TTI1: variants seen among roughly 807,000 people sequenced by gnomAD.
TTI1 encodes TELO2-interacting protein 1 homolog.
Under a neutral mutation model 85.4 loss-of-function variants are expected in TTI1, and 52 were observed. The ratio of observed to expected loss-of-function variants is 0.61; its 90% CI spans 0.49 to 0.77. The LOEUF is 0.77. Ranked by LOEUF, TTI1 falls within the 30% of genes least tolerant of loss-of-function variation. The probability of loss-of-function intolerance (pLI) is 0.00; values close to 1 mark genes in which losing one functional copy is unlikely to be tolerated. For synonymous variants in TTI1, 512 were observed against 503.9 expected (o/e 1.02, Z -0.22); for missense variants, 1,173 against 1,296.0 (o/e 0.91, Z 1.46).
chr20:38,013,089 ACT>A lies in TTI1; in HGVS notation c.726_727del (p.Val243GlufsTer6). 6.2e-7 allele frequency: 1 copy of A among 1,614,212 alleles called. No individual in the cohort carries two copies. Among genetic ancestry groups the A allele is most frequent in the Non-Finnish European group, 8.5e-7 (1 of 1,180,038 alleles). On this transcript the variant is annotated frameshift_variant, in exon 2 of 8. Coordinates refer to ENST00000373447, the MANE Select transcript of TTI1 (RefSeq NM_001303457.2). LOFTEE classifies it high-confidence loss of function. ...CTGTTCATCAGCCATAATGAAGCTC[ACT>A]GTCTTGTAAAAGATCTTTAGGGAAG... is the stretch of plus-strand genomic sequence containing the variant.
Position 38,008,897 on chromosome 20 carries a change from C to T in TTI1, c.2303-2500G>A, listed in dbSNP as rs143667745. ...TTCATAAAAGCTAGCTCTAAGTTTGCTTCTGTTCCAAGGAAGCCCCAGAGT... is the reference window on the plus strand; with the variant it reads ...TTCATAAAAGCTAGCTCTAAGTTTGTTTCTGTTCCAAGGAAGCCCCAGAGT... On this transcript the variant is annotated intron_variant, in intron 2 of 7. Coordinates refer to ENST00000373447, the MANE Select transcript of TTI1 (RefSeq NM_001303457.2). 3.7e-3 allele frequency among the ~76,000 whole-genome samples: 566 copies of T among 152,218 alleles called. 2 individuals are homozygous for T. The highest frequency in any genetic ancestry group is 0.013 in the African/African-American group (537 of 41,548).
intron 5 of TTI1, 54 bp from the exon 6 acceptor site, chr20:37,997,007 G>A: frequency 6.4e-7 from 1 of 1,565,874 alleles, no homozygotes; most frequent in Non-Finnish European, 8.7e-7. Flanking sequence ...CAGCAAGAGA[G>A]CTAAAGAATG....
intron 1 of TTI1, among the ~76,000 whole-genome samples, chr20:38,014,853 A>C (rs1016069231): frequency 6.6e-6 from 1 of 152,208 alleles, no homozygotes; most frequent in Admixed American, 6.5e-5. Flanking sequence ...GAGAGAAATA[A>C]AAGTCTCAAA....
intron 1 of TTI1, among the ~76,000 whole-genome samples, chr20:38,019,578 G>C (rs539589372): frequency 1.3e-5 from 2 of 152,012 alleles, no homozygotes; most frequent in South Asian, 2.1e-4. Context: ...TTACAGGGCA[G>C]TAAAAAATGG....
rs138274737 is a variant in TTI1 at position 37,992,258 on chromosome 20, T to C, written c.3086+4117A>G. Among the ~76,000 whole-genome samples, 1,218 of 152,150 alleles carry C rather than the reference T, an allele frequency of 8.0e-3. 6 individuals carry two copies. The highest frequency in any genetic ancestry group is 0.023 in the African/African-American group (950 of 41,508). On this transcript the variant is annotated intron_variant, in intron 7 of 7. Transcript: ENST00000373447. ...AGCTTTATTTTTCTATTATGAGACTTGTTGGGCACTGACTTCATCTTCTTC... is the reference window on the plus strand; with the variant it reads ...AGCTTTATTTTTCTATTATGAGACTCGTTGGGCACTGACTTCATCTTCTTC...
In TTI1 at chr20:38,013,812, G is replaced by C. The variant is rs932348532; in HGVS notation, c.5C>G (p.Ala2Gly). ...GGCCTCCTCAGGAGTATCAAAAACT[G>C]CCATTGTGCAGCAGCCTTCCCCTCA... M[A>G]VFDTPEEAFG... Residue 2 changes from alanine (A) to glycine (G), a missense_variant, in exon 2 of 8, where the codon GCA becomes GGA. Ala to Gly is a moderately conservative substitution (Grantham distance 60). Coordinates refer to ENST00000373447, the MANE Select transcript of TTI1 (RefSeq NM_001303457.2). 1.9e-6 allele frequency: 3 copies of C among 1,609,660 alleles called. No homozygotes were observed. The African/African-American group carries it at 4.0e-5, about 22-fold the overall frequency.
intron 2 of TTI1, among the ~76,000 whole-genome samples, chr20:38,008,238 A>T (rs2073530828): frequency 6.6e-6 from 1 of 152,190 alleles, no homozygotes; most frequent in Non-Finnish European, 1.5e-5. Context: ...TCAAAAATTT[A>T]AACGTAATAC....
chr20:38,011,880 C>A lies in TTI1; in HGVS notation c.1937G>T (p.Cys646Phe). The change falls in exon 2 of 8, where the codon TGT becomes TTT. Residue 646 changes from cysteine to phenylalanine, a missense_variant. Transcript: ENST00000373447. ...ATAAAGGGCTGACATCAAGAGCAAA[C>A]AGAAGTCTTTTCCTAGTGCATATGC... is the stretch of plus-strand genomic sequence containing the variant. ...QFAYALGKDFCLLLMSALYPV... is the reference protein window; with the variant it reads ...QFAYALGKDFFLLLMSALYPV... 1 of 1,614,204 alleles carries A rather than the reference C, an allele frequency of 6.2e-7. No homozygotes were observed. Among genetic ancestry groups the A allele is most frequent in the Non-Finnish European group, 8.5e-7 (1 of 1,180,036 alleles).
At chr20:38,015,453 C>A (rs1334470145) in intron 1 of TTI1, among the ~76,000 whole-genome samples, 1 of 152,130 alleles carries the variant, frequency 6.6e-6, no homozygotes, top group East Asian at 1.9e-4. Context: ...CTGGCTCATA[C>A]ACTGATGAAC....
intron 1 of TTI1, among the ~76,000 whole-genome samples, chr20:38,016,757 G>C (rs945896013): frequency 2.0e-5 from 3 of 152,028 alleles, no homozygotes; most frequent in Non-Finnish European, 4.4e-5. Flanking sequence ...TGCCCTCCTC[G>C]AATTCACATT....
In TTI1 at chr20:37,989,211, C is replaced by T. The variant is rs75713080; in HGVS notation, c.3087-5572G>A. ...CCAATTACCTTTGCAGCTATACATG[C>T]TCGTTTGACTTAACTATGTTTACCT... On this transcript the variant is annotated intron_variant, in intron 7 of 7. Coordinates refer to ENST00000373447, the MANE Select transcript of TTI1 (RefSeq NM_001303457.2). Among the ~76,000 whole-genome samples the T allele has an allele frequency of 1.2e-3, 186 of 152,332 alleles. 4 individuals carry two copies. The East Asian group carries it at 0.032, about 26-fold the overall frequency.
intron 7 of TTI1, chr20:37,987,131 C>G (rs2073201653): frequency 2.2e-6 from 1 of 456,498 alleles, no homozygotes; most frequent in Non-Finnish European, 4.4e-6. Flanking sequence ...CTTTAAGCCC[C>G]TGGGAGCTGA....
In TTI1 at chr20:38,012,578, T is replaced by C. The variant is rs776574845; in HGVS notation, c.1239A>G (p.Pro413=). 2 of 1,614,164 alleles carry C rather than the reference T, an allele frequency of 1.2e-6. No individual in the cohort carries two copies. The highest frequency in any genetic ancestry group is 2.2e-5 in the South Asian group (2 of 91,084). Residue 413 remains proline (P), a synonymous_variant, in exon 2 of 8, where the codon CCA becomes CCG. Coordinates refer to ENST00000373447, the MANE Select transcript of TTI1 (RefSeq NM_001303457.2). The stretch of plus-strand genomic sequence containing the variant: ...CAGAGTTGAGGACAAAGTTTATTTT[T>C]GGGCCCAAGAGTTTCAGATAACCAA... The part of the protein sequence containing the change: ...LLLGYLKLLG[P]KINFVLNSVA...
In TTI1 at chr20:37,997,892, G is replaced by A. The variant is rs148642651; in HGVS notation, c.2794-939C>T. Among the ~76,000 whole-genome samples, 266 of 152,150 alleles carry A rather than the reference G, an allele frequency of 1.7e-3. 1 individual carries two copies. The highest frequency in any genetic ancestry group is 6.2e-3 in the African/African-American group (257 of 41,524). On this transcript the variant is annotated intron_variant, in intron 5 of 7. Coordinates refer to ENST00000373447, the MANE Select transcript of TTI1 (RefSeq NM_001303457.2). ...CCAAACCCCGCCCTGCAGTACATCT[G>A]GATAAGATTTAGCAATACCACCTCC...
At chr20:38,016,168 T>A (rs1474120395) in intron 1 of TTI1, among the ~76,000 whole-genome samples, 1 of 152,242 alleles carries the variant, frequency 6.6e-6, no homozygotes, top group Non-Finnish European at 1.5e-5. Flanking sequence ...ACTGAAGATG[T>A]TCTTCTGTCA....
At chr20:38,014,376 C>T (rs2073650782) in intron 1 of TTI1, among the ~76,000 whole-genome samples, 1 of 152,182 alleles carries the variant, frequency 6.6e-6, no homozygotes, top group Non-Finnish European at 1.5e-5. Flanking sequence ...CTAGAAGGCT[C>T]CCTCATGTCC....
intron 5 of TTI1, among the ~76,000 whole-genome samples, chr20:37,997,683 C>T (rs573585985): frequency 2.6e-5 from 4 of 152,316 alleles, no homozygotes; most frequent in African/African-American, 9.6e-5. Context: ...ACAGTGTTTG[C>T]TCATTTTGCA....
At chr20:37,983,893 GAAC>G (rs1354066637) in intron 7 of TTI1, among the ~76,000 whole-genome samples, 1 of 152,194 alleles carries the variant, frequency 6.6e-6, no homozygotes, top group Admixed American at 6.5e-5. Context: ...AGTCTGAGCA[GAAC>G]AATATTGACA....
chr20:38,024,577 T>C (rs1040115840), intron 1 of TTI1, among the ~76,000 whole-genome samples: 3 of 152,128 alleles, frequency 2.0e-5, no homozygotes, highest in African/African-American at 7.2e-5. Flanking sequence ...CTGCTCTCTC[T>C]AGCCAAAGGA....
Sources: allele counts gnomAD v4.1 joint callset (sites outside exome capture counted in the v4.1 genomes callset), GRCh38; gene constraint gnomAD v4.1.1; transcripts MANE v1.5; gene names NCBI Gene and HGNC (gene_info 2026-07-23, HGNC 2026-07-21).